Variants in AFF3 observed in about 807,000 individuals in gnomAD.
AFF3 encodes AF4/FMR2 family member 3.
AFF3 carries 32 observed loss-of-function variants against 129.7 expected under a neutral mutation model. The ratio of observed to expected loss-of-function variants is 0.25; its 90% CI spans 0.19 to 0.33. The LOEUF is 0.33. AFF3 is among the 10% of genes least tolerant of loss of function. The probability of loss-of-function intolerance (pLI) is 1.00; values close to 1 mark genes in which losing one functional copy is unlikely to be tolerated. For synonymous variants in AFF3, 644 were observed against 635.4 expected (o/e 1.01, Z -0.20); for missense variants, 1,373 against 1,592.0 (o/e 0.86, Z 2.34).
At chr2:100,117,739 T>C (rs544630070) in intron 2 of AFF3, among the ~76,000 whole-genome samples, 10 of 152,358 alleles carry the variant, frequency 6.6e-5, no homozygotes, top group African/African-American at 2.2e-4. Flanking sequence ...CCTAGGGTGA[T>C]ATTATTTTTC....
intron 8 of AFF3, among the ~76,000 whole-genome samples, chr2:99,761,714 T>G (rs192831328): frequency 4.6e-5 from 7 of 152,362 alleles, no homozygotes. Context: ...AAGCCATGTT[T>G]TCATTTCCCT....
chr2:100,121,651 A>G (rs373283735), intron 2 of AFF3, among the ~76,000 whole-genome samples: 4 of 152,214 alleles, frequency 2.6e-5, no homozygotes, highest in Non-Finnish European at 5.9e-5. Context: ...ATCAAAGCAT[A>G]TGCAAAGGCA....
In AFF3 at chr2:99,958,559, G is replaced by A. The variant is rs75877663; in HGVS notation, c.873+48073C>T. ...TTTACTGAGCAACTTCCAGGTGGAC[G>A]ATCCTATGCTAAGCACCGTGATGGG... is the stretch of plus-strand genomic sequence containing the variant. On this transcript the variant is annotated intron_variant, in intron 7 of 24. Transcript: ENST00000672756. Among the ~76,000 whole-genome samples, 784 of 151,830 alleles carry A rather than the reference G, an allele frequency of 5.2e-3. 7 individuals carry two copies. Among genetic ancestry groups the A allele is most frequent in the African/African-American group, 0.018 (736 of 41,390 alleles).
At chr2:99,823,851 A>G (rs61305351) in intron 8 of AFF3, among the ~76,000 whole-genome samples, 21,201 of 152,174 alleles carry the variant, frequency 0.14, 1,600 homozygotes, top group Admixed American at 0.22. Context: ...TAATGCAGGA[A>G]CAGAAAATAA....
chr2:100,067,046 T>C (rs1444672191), intron 4 of AFF3, among the ~76,000 whole-genome samples: 1 of 152,182 alleles, frequency 6.6e-6, no homozygotes, highest in African/African-American at 2.4e-5. Flanking sequence ...TCCAGGGTTA[T>C]GCCCTGAAGG....
intron 13 of AFF3, chr2:99,631,121 T>G (rs924718136): frequency 7.2e-6 from 2 of 278,958 alleles, no homozygotes; most frequent in Non-Finnish European, 1.6e-5. Flanking sequence ...GGACGTGTGA[T>G]CCTTCCCCTC....
intron 7 of AFF3, among the ~76,000 whole-genome samples, chr2:100,002,863 T>TC (rs949675445): frequency 7.9e-5 from 12 of 152,220 alleles, no homozygotes; most frequent in Non-Finnish European, 1.6e-4. Flanking sequence ...ACTCCTGTGT[T>TC]GTCTCAATGG....
chr2:99,854,978 G>A (rs984706737), intron 7 of AFF3, among the ~76,000 whole-genome samples: 2 of 152,084 alleles, frequency 1.3e-5, no homozygotes, highest in African/African-American at 2.4e-5. Flanking sequence ...TTGCCCCATA[G>A]CACATAATTA....
At chr2:99,752,330 T>C (rs765386065) in intron 8 of AFF3, 29 bp from the exon 9 acceptor site, 8 of 1,575,556 alleles carry the variant, frequency 5.1e-6, no homozygotes, top group Admixed American at 1.7e-5. Context: ...ACAAACAATA[T>C]TGTGATACAG....
intron 7 of AFF3, among the ~76,000 whole-genome samples, chr2:99,874,754 T>G (rs1321359419): frequency 1.3e-5 from 2 of 152,158 alleles, no homozygotes; most frequent in African/African-American, 4.8e-5. Context: ...GATTATATAA[T>G]AGTATTATAT....
At chr2:99,742,572 T>C (rs1680805996) in intron 10 of AFF3, among the ~76,000 whole-genome samples, 1 of 152,162 alleles carries the variant, frequency 6.6e-6, no homozygotes, top group Non-Finnish European at 1.5e-5. Context: ...CAGACAGTCC[T>C]TGGACAATAA....
chr2:99,788,428 T>A lies in AFF3; in HGVS notation c.922-36127A>T, dbSNP rs149735942. ...CTGACCCTGTGCAGGCCTACACTAATGTGCTGTGCCTTTGATTTTAGCCCA... is the reference window on the plus strand; with the variant it reads ...CTGACCCTGTGCAGGCCTACACTAAAGTGCTGTGCCTTTGATTTTAGCCCA... On this transcript the variant is annotated intron_variant, in intron 8 of 24. Transcript: ENST00000672756. Among the ~76,000 whole-genome samples, 336 of 152,218 alleles carry A rather than the reference T, an allele frequency of 2.2e-3. 2 individuals carry two copies. The highest frequency in any genetic ancestry group is 7.7e-3 in the African/African-American group (318 of 41,526).
intron 7 of AFF3, among the ~76,000 whole-genome samples, chr2:99,945,006 A>C (rs1296242955): frequency 1.3e-5 from 2 of 152,206 alleles, no homozygotes; most frequent in African/African-American, 4.8e-5. Context: ...CTCATTGGAC[A>C]CCTATGCACG....
intron 11 of AFF3, among the ~76,000 whole-genome samples, chr2:99,716,798 G>T (rs137864036): frequency 2.0e-5 from 3 of 151,790 alleles, no homozygotes; most frequent in Non-Finnish European, 4.4e-5. Flanking sequence ...CAGGAGAATC[G>T]TTTGAACCCA....
chr2:100,088,254 CAT>C (rs1689602458), intron 4 of AFF3, among the ~76,000 whole-genome samples: 1 of 151,910 alleles, frequency 6.6e-6, no homozygotes, highest in Admixed American at 6.6e-5. Flanking sequence ...ATGACATAAT[CAT>C]GTGTATATAT....
At chr2:99,656,202 TA>T (rs922753021) in intron 12 of AFF3, among the ~76,000 whole-genome samples, 1 of 152,204 alleles carries the variant, frequency 6.6e-6, no homozygotes, top group Non-Finnish European at 1.5e-5. Context: ...ATAACAGTCA[TA>T]AAAAATGGAT....
intron 4 of AFF3, among the ~76,000 whole-genome samples, chr2:100,090,801 C>T (rs1573395262): frequency 1.3e-5 from 2 of 152,100 alleles, no homozygotes; most frequent in African/African-American, 2.4e-5. Flanking sequence ...CTCAGGATCC[C>T]GATGAGCTGG....
In AFF3 at chr2:99,594,077, C is replaced by T. The variant is rs769062552; in HGVS notation, c.1584G>A (p.Lys528=). The T allele has an allele frequency of 5.0e-6, 8 of 1,613,876 alleles. No individual in the cohort carries two copies. In the Admixed American group the frequency reaches 1.3e-4, roughly 27 times the overall value. The change falls in exon 15 of 25, where the codon AAG becomes AAA. Residue 528 remains lysine (K), a synonymous_variant. Coordinates refer to ENST00000672756, the MANE Select transcript of AFF3 (RefSeq NM_001386135.1). ...TGGCTGTCCTTGGCCTTTGCTCCTC[C>T]TTGCAAGTGCTCTTGATCTCCTTCT... ...LREKEIKSTC[K]EEQRPRTANK...
At chr2:100,077,285 A>G (rs1029474095) in intron 4 of AFF3, among the ~76,000 whole-genome samples, 3 of 152,160 alleles carry the variant, frequency 2.0e-5, no homozygotes, top group Non-Finnish European at 2.9e-5. Context: ...TAAAAATAAT[A>G]AGATCAGGCC....
Sources: allele counts gnomAD v4.1 joint callset (sites outside exome capture counted in the v4.1 genomes callset), GRCh38; gene constraint gnomAD v4.1.1; transcripts MANE v1.5; gene names NCBI Gene and HGNC (gene_info 2026-07-23, HGNC 2026-07-21).